RAD17: variants seen among roughly 807,000 people sequenced by gnomAD.
The protein encoded by RAD17 is RAD17 checkpoint clamp loader component, also known as cell cycle checkpoint protein RAD17.
A neutral mutation model predicts 81.5 loss-of-function variants in RAD17; 31 were observed. That is an observed-to-expected ratio of 0.38 (90% CI 0.29 to 0.51). RAD17 has a LOEUF of 0.51. Ranked by LOEUF, RAD17 falls within the 20% of genes least tolerant of loss-of-function variation. The probability of loss-of-function intolerance (pLI) is 0.88; values close to 1 mark genes in which losing one functional copy is unlikely to be tolerated. For synonymous variants in RAD17, 261 were observed against 266.2 expected (o/e 0.98, Z 0.19); for missense variants, 681 against 781.2 (o/e 0.87, Z 1.53).
chr5:69,374,792 A>G, intron 6 of RAD17, 81 bp downstream of exon 6: 12 of 1,220,684 alleles, frequency 9.8e-6, no homozygotes, highest in Non-Finnish European at 1.3e-5. Flanking sequence ...TTAAAGTTTT[A>G]TGATGATTTT....
At chr5:69,381,234 A>C (rs1457358143) in intron 6 of RAD17, among the ~76,000 whole-genome samples, 1 of 152,148 alleles carries the variant, frequency 6.6e-6, no homozygotes, top group East Asian at 1.9e-4. Context: ...TAATCCCAGC[A>C]CTTTGGGAGA....
chr5:69,375,860 G>A (rs1763301654), intron 6 of RAD17, among the ~76,000 whole-genome samples: 1 of 150,232 alleles, frequency 6.7e-6, no homozygotes, highest in Admixed American at 6.7e-5. Context: ...TCTAATAATA[G>A]TTTACTAACC....
In RAD17 at chr5:69,393,336, A is replaced by T; in HGVS notation, c.1276-18A>T. 6.3e-7 allele frequency: 1 copy of T among 1,583,872 alleles called. No individual in the cohort carries two copies. Among genetic ancestry groups the T allele is most frequent in the South Asian group, 1.1e-5 (1 of 87,836 alleles). On this transcript the variant is annotated intron_variant, in intron 14 of 18. Transcript: ENST00000354868. ...TTGCATTTTTACCAAATTTATGTAT[A>T]TATGCTTCTTTTTATAGGAGGTAGT...
chr5:69,385,691 A>G (rs916672691), intron 8 of RAD17, among the ~76,000 whole-genome samples: 5 of 152,352 alleles, frequency 3.3e-5, no homozygotes, highest in African/African-American at 1.2e-4. Context: ...GCTTTGTAAT[A>G]GTAGAAACCT....
chr5:69,377,474 T>TATATATACACAC (rs1322869343), intron 6 of RAD17, among the ~76,000 whole-genome samples: 1 of 10,180 alleles, frequency 9.8e-5, no homozygotes, highest in African/African-American at 1.6e-4. Context: ...TATATATATA[T>TATATATACACAC]ACACACACAC....
chr5:69,371,069 A>G lies in RAD17; in HGVS notation c.-382A>G, dbSNP rs900048443. On this transcript the variant is annotated 5_prime_UTR_variant, in exon 2 of 19. Transcript: ENST00000354868. ...TCATGGTATTTTACTTTTTTGGGAAATACTGGAAATGAAGACCTGCAACTG... is the reference window on the plus strand; with the variant it reads ...TCATGGTATTTTACTTTTTTGGGAAGTACTGGAAATGAAGACCTGCAACTG... 2 of 397,698 alleles carry G rather than the reference A, an allele frequency of 5.0e-6. No homozygotes were observed. The highest frequency in any genetic ancestry group is 1.0e-5 in the Non-Finnish European group (2 of 200,822). The allele number at this position is 397,698 out of a possible 1,614,324, so 24.6% of individuals were successfully genotyped here. A position where few individuals can be genotyped will look rare whatever the true frequency, so the allele number is the denominator to read the frequency against.
At chr5:69,371,211 T>TC in intron 2 of RAD17, 40 bp downstream of exon 2, 1 of 525,624 alleles carries the variant, frequency 1.9e-6, no homozygotes, top group Admixed American at 2.4e-5. Context: ...TTTTTTTTTT[T>TC]CTAATACATC....
Position 69,382,014 on chromosome 5 carries a change from A to T in RAD17, c.465A>T (p.Leu155Phe). Reference protein sequence around the residue: ...IQVQEWINPVLPDFQKDDFKG... With the variant: ...IQVQEWINPVFPDFQKDDFKG... ...TACAAGAGTGGATTAATCCAGTTTT[A>T]CCAGACTTCCAAAAAGATGATTTCA... The change falls in exon 7 of 19, where the codon TTA (leucine) becomes TTT (phenylalanine). Residue 155 changes from leucine (L) to phenylalanine (F), a missense_variant. Physicochemically the swap from Leu to Phe is conservative, Grantham distance 22 (BLOSUM62 0). Coordinates refer to ENST00000354868, the MANE Select transcript of RAD17 (RefSeq NM_133338.3). 6.2e-7 allele frequency: 1 copy of T among 1,612,074 alleles called. No individual in the cohort carries two copies. Among genetic ancestry groups the T allele is most frequent in the Non-Finnish European group, 8.5e-7 (1 of 1,178,376 alleles).
chr5:69,396,353 C>A lies in RAD17; in HGVS notation c.1423-44C>A, dbSNP rs180885693. On this transcript the variant is annotated intron_variant, in intron 15 of 18. Coordinates refer to ENST00000354868, the MANE Select transcript of RAD17 (RefSeq NM_133338.3). ...ATATATCAGGAATACCAGTAATGCTCTTTTATAAATCTATTTTCTTTCACA... is the reference window on the plus strand; with the variant it reads ...ATATATCAGGAATACCAGTAATGCTATTTTATAAATCTATTTTCTTTCACA... 467 of 1,575,160 alleles carry A rather than the reference C, an allele frequency of 3.0e-4. 2 individuals are homozygous for A. The African/African-American group carries it at 5.3e-3, about 18-fold the overall frequency.
chr5:69,384,952 A>ATT lies in RAD17; in HGVS notation c.645+20_645+21insTT. On this transcript the variant is annotated intron_variant, in intron 8 of 18. Transcript: ENST00000354868. ...GGTTGAAGTAAGGACAACTTTTAAA[A>ATT]TCTTTTTTTTTTTTTTTTTGAAATG... 1 of 1,551,928 alleles carries ATT rather than the reference A, an allele frequency of 6.4e-7. No homozygotes were observed. Among genetic ancestry groups the ATT allele is most frequent in the Non-Finnish European group, 8.7e-7 (1 of 1,151,074 alleles).
chr5:69,382,103 G>A, intron 7 of RAD17, 46 bp downstream of exon 7: 1 of 1,550,642 alleles, frequency 6.4e-7, no homozygotes, highest in Non-Finnish European at 8.8e-7. Context: ...GCAAACCTGT[G>A]CTTAAGGGAG....
intron 17 of RAD17, among the ~76,000 whole-genome samples, chr5:69,406,489 G>T (rs558572906): frequency 1.3e-5 from 2 of 151,696 alleles, no homozygotes; most frequent in East Asian, 1.9e-4. Context: ...ATAGTATTTT[G>T]TGTGTGTGTG....
At chr5:69,410,961 CTGTCTATATATATATATA>C (rs1202390913) in intron 18 of RAD17, among the ~76,000 whole-genome samples, 2 of 23,356 alleles carry the variant, frequency 8.6e-5, no homozygotes, top group Non-Finnish European at 1.9e-4. Context: ...AAATAGATGT[CTGTCTATATATATATATA>C]TATATATATA....
chr5:69,371,003 TAC>T (rs1309595299), intron 1 of RAD17, 30 bp from the exon 2 acceptor site: 7 of 215,286 alleles, frequency 3.3e-5, no homozygotes, highest in African/African-American at 4.6e-5. Context: ...ACAAAAATTT[TAC>T]AGTTTAAGAC....
intron 6 of RAD17, among the ~76,000 whole-genome samples, chr5:69,377,586 C>CATATATATGCATATATATGTATACAT (rs1763513265): frequency 1.8e-4 from 1 of 5,514 alleles, no homozygotes; most frequent in African/African-American, 3.4e-4. Flanking sequence ...TATATGTATA[C>CATATATATGCATATATATGTATACAT]ATATATATAT....
chr5:69,403,300 A>G (rs1259990553), intron 17 of RAD17, among the ~76,000 whole-genome samples: 5 of 152,178 alleles, frequency 3.3e-5, no homozygotes, highest in Non-Finnish European at 4.4e-5. Flanking sequence ...TTAGAGGGAT[A>G]TAGGACAGTT....
Position 69,373,679 on chromosome 5 carries a change from CAA to C in RAD17, c.10-145_10-144del, listed in dbSNP as rs372689254. 2.2e-4 allele frequency: 118 copies of C among 533,078 alleles called. 4 individuals are homozygous for C. Among genetic ancestry groups the C allele is most frequent in the Middle Eastern group, 1.1e-3 (2 of 1,750 alleles). The allele number at this position is 533,078 out of a possible 1,614,324, so 33.0% of individuals were successfully genotyped here. On this transcript the variant is annotated intron_variant, in intron 4 of 18. Transcript: ENST00000354868. ...TGGGTGACAGAGTGAGACCCGGTCT[CAA>C]AAAAATTTTTTTTTTTTTTTTTTTT...
rs750241325 is a variant in RAD17, at chr5:69,414,100, G to C, written c.1821G>C (p.Gln607His). Residue 607 changes from glutamine (Q) to histidine (H), a missense_variant, in exon 19 of 19, where the codon CAG becomes CAC. Transcript: ENST00000354868. Reference sequence around the variant, plus strand: ...ACCCTGACAGCGGAGATGAAGCCCAGCTTAATGGAGGACATTCTGCAGAGG... The same window carrying C: ...ACCCTGACAGCGGAGATGAAGCCCACCTTAATGGAGGACATTCTGCAGAGG... ...MIDPDSGDEA[Q>H]LNGGHSAEES... 17 of 1,614,268 alleles carry C rather than the reference G, an allele frequency of 1.1e-5. No individual in the cohort carries two copies. In the South Asian group the frequency reaches 1.9e-4, roughly 18 times the overall value.
chr5:69,393,194 C>A lies in RAD17; in HGVS notation c.1229C>A (p.Ser410Tyr). 6.2e-7 allele frequency: 1 copy of A among 1,612,052 alleles called. No individual in the cohort carries two copies. The highest frequency in any genetic ancestry group is 1.1e-5 in the South Asian group (1 of 90,724). The change falls in exon 14 of 19, where the codon TCT (serine) becomes TAT (tyrosine). Residue 410 changes from serine (S) to tyrosine (Y), a missense_variant. Transcript: ENST00000354868. ...GAATTAGACTCACCTCGGTTGCCCT[C>A]TCATTTATCAGAATATGAACGGGAT... ...LTELDSPRLP[S>Y]HLSEYERDTL... is the part of the protein sequence containing the mutation.
Sources: gnomAD v4.1 joint callset for allele counts (sites outside exome capture counted in the v4.1 genomes callset) on GRCh38, gnomAD v4.1.1 for gene constraint, MANE v1.5 for transcripts, NCBI Gene and HGNC (gene_info 2026-07-23, HGNC 2026-07-21) for gene names.